The following CACNB4 variants were observed in gnomAD, a reference collection of about 807,000 sequenced individuals.
The protein encoded by CACNB4 is voltage-dependent L-type calcium channel subunit beta-4.
Under a neutral mutation model 71.2 loss-of-function variants are expected in CACNB4, and 32 were observed. That is an observed-to-expected ratio of 0.45 (90% CI 0.34 to 0.60). The LOEUF (loss-of-function observed/expected upper bound fraction) is 0.60, where lower values mean the gene tolerates loss of function less well. Ranked by LOEUF, CACNB4 falls within the 20% of genes least tolerant of loss-of-function variation. CACNB4 has a pLI of 0.01. For missense variants in CACNB4, 464 were observed against 647.9 expected (o/e 0.72, Z 3.08); for synonymous variants, 231 against 236.9 (o/e 0.97, Z 0.23).
At chr2:151,871,030 A>G (rs2099844483) in intron 6 of CACNB4, 169 bp from the exon 7 acceptor site, 1 of 610,178 alleles carries the variant, frequency 1.6e-6, no homozygotes, top group Non-Finnish European at 2.9e-6. Context: ...GGACACGTCA[A>G]TTTTGAAGAT....
chr2:151,988,080 T>C (rs527747069), intron 2 of CACNB4, among the ~76,000 whole-genome samples: 1 of 152,322 alleles, frequency 6.6e-6, no homozygotes, highest in South Asian at 2.1e-4. Flanking sequence ...GAAAACACAT[T>C]GTTAAAATGA....
chr2:151,924,230 T>C (rs942413286), intron 2 of CACNB4, among the ~76,000 whole-genome samples: 15 of 151,260 alleles, frequency 9.9e-5, no homozygotes, highest in South Asian at 2.1e-4. Flanking sequence ...AGGCGCCCAC[T>C]ACCACTCCCG....
chr2:152,058,736 A>C (rs2105323801), intron 2 of CACNB4, among the ~76,000 whole-genome samples: 1 of 152,398 alleles, frequency 6.6e-6, no homozygotes, highest in African/African-American at 2.4e-5. Flanking sequence ...AATTGGCATA[A>C]GTAACCAGGA....
intron 2 of CACNB4, among the ~76,000 whole-genome samples, chr2:151,961,955 C>T (rs1337619904): frequency 6.6e-6 from 1 of 152,140 alleles, no homozygotes; most frequent in Non-Finnish European, 1.5e-5. Flanking sequence ...TGAATATACA[C>T]TCAGACAATA....
rs139782473 is a variant in CACNB4, at chr2:151,907,611, G to A, written c.148-24241C>T. ...CTACTAATGTCCTTTTTCTGTTCCA[G>A]GAGCATTGCAATTCAGAATACCATA... On this transcript the variant is annotated intron_variant, in intron 2 of 13. Transcript: ENST00000539935. Among the ~76,000 whole-genome samples, 42 of 152,222 alleles carry A rather than the reference G, an allele frequency of 2.8e-4. No individual in the cohort carries two copies. In the South Asian group the frequency reaches 7.0e-3, roughly 26 times the overall value.
intron 2 of CACNB4, among the ~76,000 whole-genome samples, chr2:151,895,392 A>G (rs1257445566): frequency 2.0e-5 from 3 of 152,100 alleles, no homozygotes; most frequent in Admixed American, 6.6e-5. Flanking sequence ...TCTTGAGCCC[A>G]GGAGCATGGC....
intron 2 of CACNB4, among the ~76,000 whole-genome samples, chr2:152,062,790 T>G (rs978536987): frequency 1.3e-5 from 2 of 152,200 alleles, no homozygotes; most frequent in African/African-American, 4.8e-5. Context: ...AGTCTGGCTT[T>G]GCACAGACCT....
intron 2 of CACNB4, among the ~76,000 whole-genome samples, chr2:151,977,141 A>T (rs1002687894): frequency 2.0e-5 from 3 of 152,178 alleles, no homozygotes; most frequent in African/African-American, 7.2e-5. Context: ...CTCATTACTG[A>T]GTAGCCTCCA....
chr2:151,940,169 T>C (rs556630607), intron 2 of CACNB4, among the ~76,000 whole-genome samples: 3 of 152,356 alleles, frequency 2.0e-5, no homozygotes, highest in East Asian at 1.9e-4. Flanking sequence ...GAGGTATGGC[T>C]CTTTCTAGTT....
At chr2:152,019,600 G>A (rs573976148) in intron 2 of CACNB4, among the ~76,000 whole-genome samples, 4 of 151,944 alleles carry the variant, frequency 2.6e-5, no homozygotes, top group African/African-American at 4.8e-5. Context: ...AAAGACTAAC[G>A]GAAAAAATAA....
chr2:152,020,357 A>G (rs1268542494), intron 2 of CACNB4, among the ~76,000 whole-genome samples: 2 of 152,192 alleles, frequency 1.3e-5, no homozygotes, highest in Admixed American at 1.3e-4. Context: ...GATAAGTGCC[A>G]TTCTCTAAAG....
At chr2:152,034,125 C>T (rs1007312198) in intron 2 of CACNB4, among the ~76,000 whole-genome samples, 1 of 152,190 alleles carries the variant, frequency 6.6e-6, no homozygotes, top group Non-Finnish European at 1.5e-5. Flanking sequence ...GGCTTAAGAG[C>T]AAGATGGACT....
chr2:151,875,935 C>T (rs1186304284), intron 5 of CACNB4, among the ~76,000 whole-genome samples: 4 of 14,704 alleles, frequency 2.7e-4, no homozygotes, highest in Non-Finnish European at 5.7e-4. Flanking sequence ...CAGAGGCACC[C>T]CTCACCTCCC....
intron 2 of CACNB4, among the ~76,000 whole-genome samples, chr2:152,047,401 C>T (rs1332782801): frequency 2.0e-5 from 3 of 152,184 alleles, no homozygotes; most frequent in Non-Finnish European, 1.5e-5. Context: ...CCTGCTGACC[C>T]CAAGTTTTCA....
At chr2:152,039,620 A>G (rs1684774348) in intron 2 of CACNB4, among the ~76,000 whole-genome samples, 1 of 152,202 alleles carries the variant, frequency 6.6e-6, no homozygotes. Flanking sequence ...GAGCCTTGTT[A>G]TATGCTCTAT....
chr2:151,902,010 C>G (rs2099853560), intron 2 of CACNB4, among the ~76,000 whole-genome samples: 1 of 149,598 alleles, frequency 6.7e-6, no homozygotes, highest in Non-Finnish European at 1.5e-5. Flanking sequence ...AACGTTCTCC[C>G]TAGTGGGTAA....
intron 12 of CACNB4, chr2:151,851,079 T>C (rs576643259): frequency 3.9e-5 from 6 of 152,326 alleles, no homozygotes; most frequent in African/African-American, 1.4e-4. Flanking sequence ...ACTGGAGATA[T>C]GGTGGCCAAT....
rs1046198991 is a variant in CACNB4 at position 151,853,611 on chromosome 2, C to A, written c.1021-68G>T. ...GAAAGAAAATCAAATAAGCCAGGATCTTTTTAATGGTCTGCTTGGCCCTGA... is the reference window on the plus strand; with the variant it reads ...GAAAGAAAATCAAATAAGCCAGGATATTTTTAATGGTCTGCTTGGCCCTGA... On this transcript the variant is annotated intron_variant, in intron 11 of 13. Coordinates refer to ENST00000539935, the MANE Select transcript of CACNB4 (RefSeq NM_000726.5). The A allele has an allele frequency of 4.7e-6, 4 of 853,800 alleles. No homozygotes were observed. In the African/African-American group the frequency reaches 5.2e-5, roughly 11 times the overall value. The allele number at this position is 853,800 out of a possible 1,614,324, so 52.9% of individuals were successfully genotyped here. A position where few individuals can be genotyped will look rare whatever the true frequency, so the allele number is the denominator to read the frequency against.
intron 2 of CACNB4, among the ~76,000 whole-genome samples, chr2:152,059,869 T>C (rs890431293): frequency 3.9e-5 from 6 of 152,168 alleles, no homozygotes; most frequent in Admixed American, 1.3e-4. Flanking sequence ...AGGGAGGTGA[T>C]TGGATCTTGG....
Sources: allele counts gnomAD v4.1 joint callset (sites outside exome capture counted in the v4.1 genomes callset), GRCh38; gene constraint gnomAD v4.1.1; transcripts MANE v1.5; gene names NCBI Gene and HGNC (gene_info 2026-07-23, HGNC 2026-07-21).